CNTNAP2: variants seen among roughly 807,000 people sequenced by gnomAD.
CNTNAP2 encodes the protein contactin associated protein 2, also known as contactin-associated protein-like 2.
A neutral mutation model predicts 155.2 loss-of-function variants in CNTNAP2; 98 were observed. That is an observed-to-expected ratio of 0.63 (90% CI 0.54 to 0.75). CNTNAP2 has a LOEUF of 0.75. Ranked by LOEUF, CNTNAP2 falls within the 30% of genes least tolerant of loss-of-function variation. CNTNAP2 has a pLI of 0.00. For synonymous variants in CNTNAP2, 651 were observed against 631.2 expected (o/e 1.03, Z -0.47); for missense variants, 1,727 against 1,688.1 (o/e 1.02, Z -0.40).
intron 11 of CNTNAP2, among the ~76,000 whole-genome samples, chr7:147,503,689 A>C (rs1005963874): frequency 3.5e-5 from 5 of 143,666 alleles, no homozygotes; most frequent in Non-Finnish European, 7.5e-5. Context: ...TTTTGTAAAA[A>C]AAAAAAAATA....
intron 5 of CNTNAP2, among the ~76,000 whole-genome samples, chr7:147,117,888 C>A (rs1485514364): frequency 1.3e-5 from 2 of 151,996 alleles, no homozygotes; most frequent in African/African-American, 4.8e-5. Flanking sequence ...AAAAGTCACA[C>A]AAAATTCGCC....
intron 10 of CNTNAP2, among the ~76,000 whole-genome samples, chr7:147,435,022 G>T (rs1000460020): frequency 3.3e-5 from 5 of 152,166 alleles, no homozygotes; most frequent in Non-Finnish European, 7.3e-5. Context: ...TTCTGAATTT[G>T]AGGCAACAGG....
chr7:147,710,391 T>C (rs1015650523), intron 13 of CNTNAP2, among the ~76,000 whole-genome samples: 1 of 152,206 alleles, frequency 6.6e-6, no homozygotes, highest in Non-Finnish European at 1.5e-5. Flanking sequence ...CTATTTACTC[T>C]AGCTATAACC....
intron 4 of CNTNAP2, among the ~76,000 whole-genome samples, chr7:147,066,070 G>C (rs1409450277): frequency 1.3e-5 from 2 of 152,112 alleles, no homozygotes; most frequent in Admixed American, 1.3e-4. Flanking sequence ...AGTTAATTCA[G>C]AGGTCTAAAA....
chr7:148,136,197 C>A (rs528287153), intron 16 of CNTNAP2, among the ~76,000 whole-genome samples: 31 of 152,092 alleles, frequency 2.0e-4, no homozygotes, highest in African/African-American at 6.7e-4. Context: ...GAAATCCAAG[C>A]AAAGATGGGC....
intron 1 of CNTNAP2, among the ~76,000 whole-genome samples, chr7:146,631,401 G>A (rs1799509041): frequency 6.6e-6 from 1 of 151,952 alleles, no homozygotes; most frequent in Admixed American, 6.6e-5. Context: ...TTCATGTCTG[G>A]GCACCTGTTA....
At chr7:148,234,500 G>A (rs775368653) in intron 20 of CNTNAP2, among the ~76,000 whole-genome samples, 22 of 152,204 alleles carry the variant, frequency 1.4e-4, no homozygotes, top group Non-Finnish European at 3.1e-4. Context: ...ACAATTAAGA[G>A]TCTGTTGTCC....
At chr7:146,224,779 A>G (rs966182973) in intron 1 of CNTNAP2, among the ~76,000 whole-genome samples, 1 of 152,156 alleles carries the variant, frequency 6.6e-6, no homozygotes, top group Non-Finnish European at 1.5e-5. Context: ...AAAAACAAAC[A>G]AACAAACAAC....
rs1554398712 is a variant in CNTNAP2, at chr7:148,157,586, A to AAAAAAAAAAG, written c.2773+9877_2773+9878insAAAAAAAAAG. Reference sequence around the variant, plus strand: ...GCAGAAGCAGCAAAAAAAAAAAAAAAGTCACAGAGAAAGTCAGCATATTAT... The same window carrying AAAAAAAAAAG: ...GCAGAAGCAGCAAAAAAAAAAAAAAAAAAAAAAAAGGTCACAGAGAAAGTCAGCATATTAT... On this transcript the variant is annotated intron_variant, in intron 17 of 23. Transcript: ENST00000361727. Among the ~76,000 whole-genome samples the AAAAAAAAAAG allele has an allele frequency of 3.0e-3, 452 of 150,802 alleles. 2 individuals are homozygous for AAAAAAAAAAG. The highest frequency in any genetic ancestry group is 0.011 in the African/African-American group (431 of 40,776).
intron 1 of CNTNAP2, among the ~76,000 whole-genome samples, chr7:146,254,658 C>T (rs1799810497): frequency 6.6e-6 from 1 of 152,112 alleles, no homozygotes; most frequent in Non-Finnish European, 1.5e-5. Context: ...ATTTATTGTA[C>T]CTTTTTTTCT....
At chr7:147,390,238 G>A (rs1345696226) in intron 9 of CNTNAP2, among the ~76,000 whole-genome samples, 2 of 152,128 alleles carry the variant, frequency 1.3e-5, no homozygotes, top group African/African-American at 2.4e-5. Flanking sequence ...TGTTTCACAG[G>A]TGTGAGTAAT....
chr7:146,820,465 G>C (rs560924293), intron 2 of CNTNAP2, among the ~76,000 whole-genome samples: 4 of 152,234 alleles, frequency 2.6e-5, no homozygotes, highest in African/African-American at 7.2e-5. Context: ...TTTCCATGTA[G>C]TTGAGCGGTT....
chr7:147,553,029 A>G (rs115879842), intron 11 of CNTNAP2, among the ~76,000 whole-genome samples: 3,356 of 152,314 alleles, frequency 0.022, 125 homozygotes, highest in African/African-American at 0.077. Context: ...GAGTCAGCCA[A>G]CAATGACAAT....
chr7:146,370,110 C>A (rs1795212700), intron 1 of CNTNAP2, among the ~76,000 whole-genome samples: 1 of 145,328 alleles, frequency 6.9e-6, no homozygotes, highest in Non-Finnish European at 1.5e-5. Context: ...GTATAAAAAC[C>A]AATGATTAAA....
intron 10 of CNTNAP2, among the ~76,000 whole-genome samples, chr7:147,400,315 G>T (rs1796891674): frequency 6.6e-6 from 1 of 152,148 alleles, no homozygotes. Context: ...GAGTGAGTCA[G>T]TCCTTGTTGG....
At chr7:146,629,252 C>A (rs1052007083) in intron 1 of CNTNAP2, among the ~76,000 whole-genome samples, 1 of 152,140 alleles carries the variant, frequency 6.6e-6, no homozygotes, top group African/African-American at 2.4e-5. Flanking sequence ...ATCAGCCACA[C>A]ACATAGAATT....
At chr7:146,690,792 T>C (rs1165605675) in intron 1 of CNTNAP2, among the ~76,000 whole-genome samples, 1 of 152,164 alleles carries the variant, frequency 6.6e-6, no homozygotes, top group Non-Finnish European at 1.5e-5. Context: ...CTGTTTCTCT[T>C]TTTCTAATTT....
intron 1 of CNTNAP2, among the ~76,000 whole-genome samples, chr7:146,256,505 T>A (rs929437059): frequency 6.6e-6 from 1 of 152,002 alleles, no homozygotes; most frequent in Non-Finnish European, 1.5e-5. Context: ...ACAAAATATT[T>A]ATAGTTAAGA....
intron 12 of CNTNAP2, among the ~76,000 whole-genome samples, chr7:147,605,292 C>A (rs1053679593): frequency 6.6e-6 from 1 of 151,992 alleles, no homozygotes; most frequent in African/African-American, 2.4e-5. Context: ...ACAGTAGACA[C>A]ATTAACATGA....
Sources: gnomAD v4.1 joint callset for allele counts (sites outside exome capture counted in the v4.1 genomes callset) on GRCh38, gnomAD v4.1.1 for gene constraint, MANE v1.5 for transcripts, NCBI Gene and HGNC (gene_info 2026-07-23, HGNC 2026-07-21) for gene names.